FAM13A: variants seen among roughly 807,000 people sequenced by gnomAD.
FAM13A encodes the protein family with sequence similarity 13 member A.
In FAM13A, 76 loss-of-function variants were observed where a neutral mutation model predicts 129.6. That is an observed-to-expected ratio of 0.59 (90% CI 0.49 to 0.71). The LOEUF (loss-of-function observed/expected upper bound fraction) is 0.71. FAM13A is among the 30% of genes least tolerant of loss of function. The pLI is 0.00. For missense variants in FAM13A, 1,108 were observed against 1,249.3 expected, an observed-to-expected ratio of 0.89 and a Z score of 1.70; for synonymous variants, 443 against 449.9, an observed-to-expected ratio of 0.98 and a Z score of 0.20.
chr4:89,012,626 CTCCCATG>C (rs1384485486), intron 3 of FAM13A, among the ~76,000 whole-genome samples: 1 of 152,170 alleles, frequency 6.6e-6, no homozygotes, highest in Non-Finnish European at 1.5e-5. Context: ...AAACAGTTTT[CTCCCATG>C]GAGGGCCACT....
At chr4:88,982,974 G>A (rs755055212) in intron 4 of FAM13A, among the ~76,000 whole-genome samples, 13 of 152,066 alleles carry the variant, frequency 8.5e-5, no homozygotes, top group African/African-American at 2.7e-4. Flanking sequence ...AGTGATTGAT[G>A]GAAATGGGGT....
chr4:89,016,728 A>C (rs1560812057), intron 3 of FAM13A, among the ~76,000 whole-genome samples: 1 of 152,048 alleles, frequency 6.6e-6, no homozygotes, highest in Non-Finnish European at 1.5e-5. Flanking sequence ...TTGACTTTCT[A>C]GGCTCAAGTG....
chr4:88,805,511 A>G (rs894243228), intron 7 of FAM13A, among the ~76,000 whole-genome samples: 8 of 152,214 alleles, frequency 5.3e-5, no homozygotes, highest in Non-Finnish European at 1.5e-5. Flanking sequence ...AGAGCACATC[A>G]GTAAACAGCA....
intron 11 of FAM13A, among the ~76,000 whole-genome samples, chr4:88,780,407 T>G (rs1174983151): frequency 1.3e-5 from 2 of 152,184 alleles, no homozygotes; most frequent in Admixed American, 6.6e-5. Context: ...TATTAGGGAT[T>G]CCAGTTCACG....
intron 3 of FAM13A, among the ~76,000 whole-genome samples, chr4:88,993,425 G>A (rs957422912): frequency 2.0e-5 from 3 of 152,148 alleles, no homozygotes; most frequent in African/African-American, 7.2e-5. Flanking sequence ...ACAAGCAACA[G>A]CATTACAACA....
intron 14 of FAM13A, among the ~76,000 whole-genome samples, chr4:88,751,583 A>G (rs565688682): frequency 3.4e-4 from 50 of 148,684 alleles, no homozygotes; most frequent in African/African-American, 1.0e-3. Flanking sequence ...CAAAGGACAA[A>G]TCTGTACAAA....
intron 14 of FAM13A, among the ~76,000 whole-genome samples, chr4:88,758,094 T>G (rs934281302): frequency 1.3e-5 from 2 of 152,018 alleles, no homozygotes; most frequent in Non-Finnish European, 2.9e-5. Context: ...TGCTGCAATA[T>G]CCTCCCTGAA....
chr4:88,732,232 G>T, intron 21 of FAM13A, 34 bp from the exon 22 acceptor site: 1 of 1,522,240 alleles, frequency 6.6e-7, no homozygotes, highest in Non-Finnish European at 8.9e-7. Flanking sequence ...TAAAAATCTG[G>T]TCACTTTTTG....
intron 14 of FAM13A, among the ~76,000 whole-genome samples, chr4:88,752,938 G>C (rs1200686015): frequency 6.6e-6 from 1 of 152,228 alleles, no homozygotes; most frequent in Non-Finnish European, 1.5e-5. Context: ...GCTCACCGCA[G>C]AGTGGCAAAG....
At position 88,726,434 on chromosome 4, in the gene FAM13A, T is replaced by C. The variant is rs1159008146; in HGVS notation, c.*2099A>G. 6.6e-6 allele frequency: 1 copy of C among 152,618 alleles called. No homozygotes were observed. The highest frequency in any genetic ancestry group is 2.4e-5 in the African/African-American group (1 of 41,466). 9.5% of individuals were successfully genotyped at this position (152,618 alleles called of 1,614,324 possible). A position where few individuals can be genotyped will look rare whatever the true frequency, so the allele number is the denominator to read the frequency against. On this transcript the variant is annotated 3_prime_UTR_variant, in exon 24 of 24. Coordinates refer to ENST00000264344, the MANE Select transcript of FAM13A (RefSeq NM_014883.4). ...AAATGGGGATTCCTGAATAAATCTTTAGTTAATTTACCTTTGGCAGAAACA... is the reference window on the plus strand; with the variant it reads ...AAATGGGGATTCCTGAATAAATCTTCAGTTAATTTACCTTTGGCAGAAACA...
chr4:88,907,822 T>C (rs542905286), intron 5 of FAM13A, among the ~76,000 whole-genome samples: 1 of 152,336 alleles, frequency 6.6e-6, no homozygotes, highest in East Asian at 1.9e-4. Flanking sequence ...TGTGGAGCCA[T>C]AGCATTTTAA....
In FAM13A at chr4:89,028,629, T is replaced by C. The variant is rs990233517; in HGVS notation, c.217+831A>G. 2.6e-5 allele frequency among the ~76,000 whole-genome samples: 4 copies of C among 152,176 alleles called. No individual in the cohort carries two copies. The East Asian group carries it at 7.7e-4, about 29-fold the overall frequency. ...TCACTTGAGCCCTGAAGTATGAGAT[T>C]ACAGTGAGCTATGATCATATCACTG... On this transcript the variant is annotated intron_variant, in intron 2 of 23. Transcript: ENST00000264344.
Position 88,954,801 on chromosome 4 carries a change from G to A in FAM13A, c.606-16560C>T, listed in dbSNP as rs571649863. Reference sequence around the variant, plus strand: ...CTCAGGAGGCTGAGGCAGGAGAACCGCTTGAACCCAGGAGGCAGAGGTTGC... The same window carrying A: ...CTCAGGAGGCTGAGGCAGGAGAACCACTTGAACCCAGGAGGCAGAGGTTGC... On this transcript the variant is annotated intron_variant, in intron 4 of 23. Transcript: ENST00000264344. 2.6e-5 allele frequency among the ~76,000 whole-genome samples: 4 copies of A among 151,458 alleles called. No homozygotes were observed. In the East Asian group the frequency reaches 5.8e-4, roughly 22 times the overall value.
At chr4:88,938,379 T>A in intron 4 of FAM13A, 138 bp from the exon 5 acceptor site, 1 of 615,174 alleles carries the variant, frequency 1.6e-6, no homozygotes, top group Non-Finnish European at 2.7e-6. Flanking sequence ...AGCTCTTTGG[T>A]AACATGCATG....
At chr4:88,829,486 G>C (rs1292386318) in intron 7 of FAM13A, among the ~76,000 whole-genome samples, 2 of 152,138 alleles carry the variant, frequency 1.3e-5, no homozygotes, top group African/African-American at 4.8e-5. Context: ...ACACTAAGGA[G>C]CAATGCCCTC....
chr4:88,801,615 G>A (rs760387611), intron 8 of FAM13A, among the ~76,000 whole-genome samples: 2 of 152,160 alleles, frequency 1.3e-5, no homozygotes, highest in Non-Finnish European at 2.9e-5. Flanking sequence ...GATGCCAGGT[G>A]AGTTATTTAG....
chr4:88,892,649 T>C (rs891349682), intron 6 of FAM13A, among the ~76,000 whole-genome samples: 1 of 152,212 alleles, frequency 6.6e-6, no homozygotes. Flanking sequence ...GCCAAGATCA[T>C]ACTTAAAAGT....
chr4:88,914,689 A>G (rs1749788949), intron 5 of FAM13A, among the ~76,000 whole-genome samples: 1 of 152,152 alleles, frequency 6.6e-6, no homozygotes, highest in Non-Finnish European at 1.5e-5. Flanking sequence ...CACAGTACTT[A>G]CTTTAATTTG....
At chr4:88,819,255 C>A (rs896971026) in intron 7 of FAM13A, among the ~76,000 whole-genome samples, 7 of 152,180 alleles carry the variant, frequency 4.6e-5, no homozygotes, top group African/African-American at 1.4e-4. Flanking sequence ...AGGATGCCAA[C>A]ACATGAAAGC....
Sources: gnomAD v4.1 joint callset for allele counts (sites outside exome capture counted in the v4.1 genomes callset) on GRCh38, gnomAD v4.1.1 for gene constraint, MANE v1.5 for transcripts, NCBI Gene and HGNC (gene_info 2026-07-23, HGNC 2026-07-21) for gene names.